The following TEX2 variants were observed in gnomAD, a reference collection of about 807,000 sequenced individuals.
The protein encoded by TEX2 is testis-expressed protein 2.
A neutral mutation model predicts 106.9 loss-of-function variants in TEX2; 53 were observed. That is an observed-to-expected ratio of 0.50 (90% CI 0.40 to 0.62). TEX2 has a LOEUF of 0.62. Among genes scored for constraint, TEX2 ranks in the 20% least tolerant of loss-of-function variants. TEX2 has a pLI of 0.00. For synonymous variants in TEX2, 523 were observed against 534.8 expected, an observed-to-expected ratio of 0.98 and a Z score of 0.30; for missense variants, 1,207 against 1,379.0, an observed-to-expected ratio of 0.88 and a Z score of 1.98.
intron 1 of TEX2, among the ~76,000 whole-genome samples, chr17:64,237,651 A>T (rs2033799440): frequency 6.6e-6 from 1 of 152,120 alleles, no homozygotes; most frequent in Non-Finnish European, 1.5e-5. Context: ...TGCATATGGG[A>T]GTAAGGAAGA....
At chr17:64,249,480 G>A (rs1297822239) in intron 1 of TEX2, among the ~76,000 whole-genome samples, 1 of 152,156 alleles carries the variant, frequency 6.6e-6, no homozygotes, top group Admixed American at 6.5e-5. Context: ...AGTGAAATTT[G>A]CAATTTCTGG....
At chr17:64,215,887 G>A (rs2033172299) in intron 1 of TEX2, among the ~76,000 whole-genome samples, 1 of 152,112 alleles carries the variant, frequency 6.6e-6, no homozygotes, top group Admixed American at 6.5e-5. Context: ...TCATAAAATG[G>A]GTAGGGGAAT....
chr17:64,185,881 C>T lies in TEX2; in HGVS notation c.2424+2287G>A, dbSNP rs2143841861. 6.6e-6 allele frequency among the ~76,000 whole-genome samples: 1 copy of T among 152,188 alleles called. No homozygotes were observed. Among genetic ancestry groups the T allele is most frequent in the South Asian group, 2.1e-4 (1 of 4,822 alleles). On this transcript the variant is annotated intron_variant, in intron 5 of 11. Coordinates refer to ENST00000584379, the MANE Select transcript of TEX2 (RefSeq NM_001288732.2). This position sits in a 1 kb window ranked among gnomAD's most constrained non-coding sequence, Gnocchi z 4.0. ...AGATGGCAGTGAGCCAAGATCACGC[C>T]ATTGCACTCCAGCCTGGGGAAAAAG...
At position 64,217,399 on chromosome 17, in the gene TEX2, A is replaced by G. The variant is rs1157291972; in HGVS notation, c.-25-3157T>C. 6.6e-6 allele frequency among the ~76,000 whole-genome samples: 1 copy of G among 152,242 alleles called. No homozygotes were observed. Among genetic ancestry groups the G allele is most frequent in the African/African-American group, 2.4e-5 (1 of 41,456 alleles). On this transcript the variant is annotated intron_variant, in intron 1 of 11. Coordinates refer to ENST00000584379, the MANE Select transcript of TEX2 (RefSeq NM_001288732.2). The surrounding 1 kb of genome is among the most constrained non-coding windows in gnomAD (Gnocchi z 4.3). ...AAGACTACATGGTTTGTCCAAGGGCACAGCACTGACAACATGGGCTTCCTG... is the reference window on the plus strand; with the variant it reads ...AAGACTACATGGTTTGTCCAAGGGCGCAGCACTGACAACATGGGCTTCCTG...
intron 8 of TEX2, 86 bp downstream of exon 8, chr17:64,160,715 C>A: frequency 6.5e-7 from 1 of 1,530,454 alleles, no homozygotes; most frequent in South Asian, 1.2e-5. Context: ...CCAGGGGCCA[C>A]TACACATCAA....
chr17:64,231,057 A>G (rs782016396), intron 1 of TEX2, among the ~76,000 whole-genome samples: 1 of 152,226 alleles, frequency 6.6e-6, no homozygotes. Context: ...TGTGCTGGCC[A>G]TTAGGTGGAG....
At chr17:64,171,322 C>G (rs140369159) in intron 6 of TEX2, 123 bp from the exon 7 acceptor site, 3 of 745,550 alleles carry the variant, frequency 4.0e-6, no homozygotes, top group Non-Finnish European at 6.9e-6. Context: ...ATTTATGTAA[C>G]GAAAACGTAA....
intron 2 of TEX2, among the ~76,000 whole-genome samples, chr17:64,207,546 C>A (rs2144004912): frequency 6.6e-6 from 1 of 152,268 alleles, no homozygotes; most frequent in East Asian, 1.9e-4. Context: ...TCACTTATCC[C>A]CTGAAATCAA....
At chr17:64,193,472 C>G in intron 4 of TEX2, 87 bp downstream of exon 4, 36 of 1,172,558 alleles carry the variant, frequency 3.1e-5, no homozygotes, top group South Asian at 7.4e-5. Flanking sequence ...GGCTTCCTTC[C>G]TTCCTTCCTT....
Position 64,195,199 on chromosome 17 carries a change from A to G in TEX2, c.1645-104T>C. 1 of 1,006,366 alleles carries G rather than the reference A, an allele frequency of 9.9e-7. No homozygotes were observed. Among genetic ancestry groups the G allele is most frequent in the South Asian group, 1.4e-5 (1 of 69,230 alleles). 62.3% of individuals were successfully genotyped at this position (1,006,366 alleles called of 1,614,324 possible). On this transcript the variant is annotated intron_variant, in intron 2 of 11. Transcript: ENST00000584379. The surrounding 1 kb of genome is among the most constrained non-coding windows in gnomAD (Gnocchi z 4.1). ...ATTTGGGACACTGAAACCAAACTTG[A>G]TCACGACACAGATATCAGCTCACCA...
rs370553408 is a variant in TEX2 at position 64,176,958 on chromosome 17, G to A, written c.2571+367C>T. ...GATATACCATGTGGCCTAGACTGCTGTGGGGCTGGGTGGGCTCTGGATGTA... is the reference window on the plus strand; with the variant it reads ...GATATACCATGTGGCCTAGACTGCTATGGGGCTGGGTGGGCTCTGGATGTA... On this transcript the variant is annotated intron_variant, in intron 6 of 11. Transcript: ENST00000584379. Among the ~76,000 whole-genome samples, 12 of 152,334 alleles carry A rather than the reference G, an allele frequency of 7.9e-5. No individual in the cohort carries two copies. The East Asian group carries it at 2.1e-3, about 27-fold the overall frequency.
chr17:64,249,256 T>A (rs1555636672), intron 1 of TEX2, among the ~76,000 whole-genome samples: 1 of 152,166 alleles, frequency 6.6e-6, no homozygotes, highest in Non-Finnish European at 1.5e-5. Flanking sequence ...CACTCAACGT[T>A]AACCAATCGA....
Position 64,181,935 on chromosome 17 carries a change from A to T in TEX2, c.2425-4464T>A, listed in dbSNP as rs548588560. ...GTATTGCGGTTCCTTAAACAATTTA[A>T]ACAGAATTACCCTTAAGATGCACTA... is the stretch of plus-strand genomic sequence containing the variant. On this transcript the variant is annotated intron_variant, in intron 5 of 11. Transcript: ENST00000584379. Among the ~76,000 whole-genome samples the T allele has an allele frequency of 6.6e-5, 10 of 152,006 alleles. No individual in the cohort carries two copies. The South Asian group carries it at 2.1e-3, about 32-fold the overall frequency.
At chr17:64,237,780 C>A (rs2033802770) in intron 1 of TEX2, among the ~76,000 whole-genome samples, 1 of 152,228 alleles carries the variant, frequency 6.6e-6, no homozygotes, top group South Asian at 2.1e-4. Context: ...CAGTTTGGGA[C>A]ATTTTATTCT....
chr17:64,204,500 C>T (rs1367165738), intron 2 of TEX2, among the ~76,000 whole-genome samples: 3 of 152,150 alleles, frequency 2.0e-5, no homozygotes, highest in African/African-American at 7.2e-5. Flanking sequence ...ATCAGCAAGG[C>T]TTATTTACTT....
chr17:64,217,487 T>C lies in TEX2; in HGVS notation c.-25-3245A>G, dbSNP rs557847500. 1.7e-3 allele frequency among the ~76,000 whole-genome samples: 261 copies of C among 152,354 alleles called. No individual in the cohort carries two copies. The highest frequency in any genetic ancestry group is 3.1e-3 in the Non-Finnish European group (209 of 68,036). The stretch of plus-strand genomic sequence containing the variant: ...ACATGCCACACACGCTCTTTATTCC[T>C]GCTTTGTCCCAGCTTTTGTACCTGC... On this transcript the variant is annotated intron_variant, in intron 1 of 11. Coordinates refer to ENST00000584379, the MANE Select transcript of TEX2 (RefSeq NM_001288732.2). The surrounding 1 kb of genome is among the most constrained non-coding windows in gnomAD (Gnocchi z 4.3).
intron 1 of TEX2, among the ~76,000 whole-genome samples, chr17:64,221,186 C>T (rs2033349247): frequency 6.6e-6 from 1 of 152,104 alleles, no homozygotes; most frequent in Non-Finnish European, 1.5e-5. Context: ...GAATAACACA[C>T]ACTGGGGCCT....
At chr17:64,149,275 G>T (rs1567902116) in intron 11 of TEX2, 184 bp from the exon 12 acceptor site, 2 of 604,148 alleles carry the variant, frequency 3.3e-6, no homozygotes, top group East Asian at 3.1e-5. Flanking sequence ...TCATACCAGC[G>T]CATGGATACG....
At chr17:64,247,917 T>A in intron 1 of TEX2, among the ~76,000 whole-genome samples, 1 of 152,188 alleles carries the variant, frequency 6.6e-6, no homozygotes, top group East Asian at 1.9e-4. Context: ...TGTACAGAAT[T>A]CATTACACTC....
Sources: allele counts gnomAD v4.1 joint callset (sites outside exome capture counted in the v4.1 genomes callset), GRCh38; gene constraint gnomAD v4.1.1; non-coding constraint Gnocchi (gnomAD v3.1); transcripts MANE v1.5; gene names NCBI Gene and HGNC (gene_info 2026-07-23, HGNC 2026-07-21).